The following RARB variants were observed in gnomAD, a reference collection of about 807,000 sequenced individuals.
The protein encoded by RARB is retinoic acid receptor beta.
In RARB, 17 loss-of-function variants were observed where a neutral mutation model predicts 51.9. That is an observed-to-expected ratio of 0.33 (90% confidence interval 0.22 to 0.49). RARB has a LOEUF of 0.49. RARB is among the 20% of genes least tolerant of loss of function. The pLI, the probability that RARB is intolerant of heterozygous loss-of-function variation, is 0.99. For synonymous variants in RARB, 215 were observed against 195.4 expected, an observed-to-expected ratio of 1.10 and a Z score of -0.84; for missense variants, 369 against 550.8, an observed-to-expected ratio of 0.67 and a Z score of 3.30.
chr3:25,527,961 G>C, intron 3 of RARB, among the ~76,000 whole-genome samples: 1 of 152,170 alleles, frequency 6.6e-6, no homozygotes, highest in East Asian at 1.9e-4. Flanking sequence ...CAGCAACAAG[G>C]CCCTGCACAA....
At chr3:24,960,442 T>A (rs1482545336) in intron 2 of RARB, among the ~76,000 whole-genome samples, 2 of 152,214 alleles carry the variant, frequency 1.3e-5, no homozygotes, top group Non-Finnish European at 2.9e-5. Context: ...TGAGCTCCAT[T>A]CTTTTCAATT....
At chr3:25,253,912 G>C (rs1702793604) in intron 5 of RARB, among the ~76,000 whole-genome samples, 1 of 152,160 alleles carries the variant, frequency 6.6e-6, no homozygotes, top group Non-Finnish European at 1.5e-5. Context: ...ACAAATGTTA[G>C]TTAGAAGGGC....
intron 4 of RARB, among the ~76,000 whole-genome samples, chr3:25,134,830 G>GC (rs11404120): frequency 0.53 from 80,415 of 151,756 alleles, 21,726 homozygotes; most frequent in East Asian, 0.7. Flanking sequence ...AACCGTCACT[G>GC]CCTCTACCTG....
chr3:25,206,633 A>G (rs185387272), intron 5 of RARB, among the ~76,000 whole-genome samples: 27 of 152,272 alleles, frequency 1.8e-4, no homozygotes, highest in African/African-American at 6.3e-4. Flanking sequence ...AGACAAGTCA[A>G]TTACAGAGTT....
chr3:25,536,173 G>A (rs1699133892), intron 3 of RARB, among the ~76,000 whole-genome samples: 1 of 151,972 alleles, frequency 6.6e-6, no homozygotes, highest in Non-Finnish European at 1.5e-5. Flanking sequence ...AGTTGATAGG[G>A]AAACAAAAAA....
chr3:25,528,461 C>T (rs575474477), intron 3 of RARB, among the ~76,000 whole-genome samples: 1 of 152,096 alleles, frequency 6.6e-6, no homozygotes, highest in East Asian at 1.9e-4. Context: ...TTGGAACCAG[C>T]CATCCTCTGA....
At chr3:25,178,042 G>A (rs1300479805) in intron 5 of RARB, among the ~76,000 whole-genome samples, 3 of 151,960 alleles carry the variant, frequency 2.0e-5, no homozygotes, top group East Asian at 1.9e-4. Flanking sequence ...CCATTTACAG[G>A]GGGTGGGCCC....
chr3:25,380,873 T>C (rs1253777148), intron 5 of RARB, among the ~76,000 whole-genome samples: 2 of 152,226 alleles, frequency 1.3e-5, no homozygotes, highest in Non-Finnish European at 2.9e-5. Context: ...GTATGACATC[T>C]ACTTGGACTT....
At chr3:25,442,018 T>C (rs1431134552) in intron 1 of RARB, among the ~76,000 whole-genome samples, 1 of 152,244 alleles carries the variant, frequency 6.6e-6, no homozygotes, top group Non-Finnish European at 1.5e-5. Flanking sequence ...TCTATAATTC[T>C]ACATTGTCTA....
chr3:25,485,083 A>C (rs892578785), intron 2 of RARB, among the ~76,000 whole-genome samples: 1 of 152,256 alleles, frequency 6.6e-6, no homozygotes, highest in East Asian at 1.9e-4. Context: ...TAAGGATAAA[A>C]GTAAAAATTA....
chr3:25,236,161 TTATAAA>T (rs1702296828), intron 5 of RARB, among the ~76,000 whole-genome samples: 1 of 152,144 alleles, frequency 6.6e-6, no homozygotes, highest in South Asian at 2.1e-4. Context: ...ATGAATAACT[TTATAAA>T]TATAGCCACA....
intron 5 of RARB, among the ~76,000 whole-genome samples, chr3:25,327,187 C>T (rs945245359): frequency 6.6e-6 from 1 of 151,804 alleles, no homozygotes; most frequent in Non-Finnish European, 1.5e-5. Flanking sequence ...TTAAGAATTA[C>T]AGGGAGAAAT....
intron 2 of RARB, among the ~76,000 whole-genome samples, chr3:25,481,097 A>G (rs117514926): frequency 6.6e-6 from 1 of 152,258 alleles, no homozygotes; most frequent in East Asian, 1.9e-4. Flanking sequence ...TTACTTGAGG[A>G]TTATGGCTTT....
chr3:24,865,826 T>G (rs1299404335), intron 2 of RARB, among the ~76,000 whole-genome samples: 2 of 152,238 alleles, frequency 1.3e-5, no homozygotes, highest in East Asian at 3.9e-4. Context: ...TACAGTGAGG[T>G]TATTGTGGCT....
chr3:25,573,898 G>A (rs561417962), intron 4 of RARB, among the ~76,000 whole-genome samples: 3 of 152,216 alleles, frequency 2.0e-5, no homozygotes, highest in South Asian at 2.1e-4. Flanking sequence ...TTGGGTCCCC[G>A]GAGACCGCAG....
At chr3:25,399,127 A>G (rs748311728) in intron 5 of RARB, among the ~76,000 whole-genome samples, 1 of 152,178 alleles carries the variant, frequency 6.6e-6, no homozygotes. Context: ...CTGATCCAGG[A>G]GGACACAGGT....
At chr3:25,194,365 A>G (rs1399097662) in intron 5 of RARB, among the ~76,000 whole-genome samples, 1 of 151,720 alleles carries the variant, frequency 6.6e-6, no homozygotes, top group Non-Finnish European at 1.5e-5. Context: ...CTAAAAGAAT[A>G]GACTTTAGGT....
At chr3:25,116,961 A>G (rs1039774394) in intron 3 of RARB, among the ~76,000 whole-genome samples, 1 of 152,192 alleles carries the variant, frequency 6.6e-6, no homozygotes, top group Non-Finnish European at 1.5e-5. Context: ...ATTTTTTAAC[A>G]TAAGAATAAG....
At chr3:25,447,463 A>G (rs1156353009) in intron 1 of RARB, among the ~76,000 whole-genome samples, 1 of 152,218 alleles carries the variant, frequency 6.6e-6, no homozygotes, top group Admixed American at 6.5e-5. Context: ...TTTATAAACC[A>G]GCATGTATCA....
Sources: gnomAD v4.1 joint callset for allele counts (sites outside exome capture counted in the v4.1 genomes callset) on GRCh38, gnomAD v4.1.1 for gene constraint, MANE v1.5 for transcripts, NCBI Gene and HGNC (gene_info 2026-07-23, HGNC 2026-07-21) for gene names.